HIC2: variants seen among roughly 807,000 people sequenced by gnomAD.
The protein encoded by HIC2 is hypermethylated in cancer 2 protein.
A neutral mutation model predicts 39.5 loss-of-function variants in HIC2; 2 were observed. That is an observed-to-expected ratio of 0.05 (90% CI 0.02 to 0.16). The LOEUF (loss-of-function observed/expected upper bound fraction) is 0.16, where lower values mean the gene tolerates loss of function less well. Ranked by LOEUF, HIC2 falls within the 10% of genes least tolerant of loss-of-function variation. The probability of loss-of-function intolerance (pLI) is 1.00; values close to 1 mark genes in which losing one functional copy is unlikely to be tolerated. For missense variants in HIC2, 713 were observed against 863.5 expected, an observed-to-expected ratio of 0.83 and a Z score of 2.18; for synonymous variants, 399 against 368.8, an observed-to-expected ratio of 1.08 and a Z score of -0.94.
Position 21,449,985 on chromosome 22 carries a change from G to A in HIC2, c.*3242G>A, listed in dbSNP as rs1924077020. The stretch of plus-strand genomic sequence containing the variant: ...TTTGCGCAGCTCTGTCGACTCTGGT[G>A]GGTCCCCACTCCTGGGGCCCCCTAA... On this transcript the variant is annotated 3_prime_UTR_variant, in exon 3 of 3. Coordinates refer to ENST00000407464, the MANE Select transcript of HIC2 (RefSeq NM_015094.3). 2 of 152,688 alleles carry A rather than the reference G, an allele frequency of 1.3e-5. No individual in the cohort carries two copies. The highest frequency in any genetic ancestry group is 2.4e-5 in the African/African-American group (1 of 41,458). The allele number at this position is 152,688 out of a possible 1,614,324, so 9.5% of individuals were successfully genotyped here.
Position 21,446,341 on chromosome 22 carries a change from G to C in HIC2, c.1446G>C (p.Gly482=). The C allele has an allele frequency of 6.2e-7, 1 of 1,613,140 alleles. No homozygotes were observed. The highest frequency in any genetic ancestry group is 8.5e-7 in the Non-Finnish European group (1 of 1,179,996). The change falls in exon 3 of 3, where the codon GGG becomes GGC. Residue 482 remains glycine (G), a synonymous_variant. Coordinates refer to ENST00000407464, the MANE Select transcript of HIC2 (RefSeq NM_015094.3). ...AGGGGGCCTACGAGACAGGCAGTGG[G>C]GGTGCCGAGGAGGAGGCCGAGGACC... The part of the protein sequence containing the change: ...KEEGAYETGS[G]GAEEEAEDLS...
At chr22:21,443,393 A>T (rs1451575920) in intron 2 of HIC2, among the ~76,000 whole-genome samples, 2 of 152,148 alleles carry the variant, frequency 1.3e-5, no homozygotes, top group African/African-American at 4.8e-5. Flanking sequence ...TTGTCTTTGC[A>T]AACAAGGGTA....
chr22:21,446,044 C>A lies in HIC2; in HGVS notation c.1149C>A (p.Gly383=), dbSNP rs780610048. 1.3e-6 allele frequency: 2 copies of A among 1,599,128 alleles called. No individual in the cohort carries two copies. The highest frequency in any genetic ancestry group is 2.2e-5 in the South Asian group (2 of 90,082). The change falls in exon 3 of 3, where the codon GGC becomes GGA. Residue 383 remains glycine (G), a synonymous_variant. Coordinates refer to ENST00000407464, the MANE Select transcript of HIC2 (RefSeq NM_015094.3). ...VPNGILASGA[G]PSGPYGEPPY... is the part of the protein sequence containing the mutation. ...ATGGCATCCTGGCTAGTGGGGCTGG[C>A]CCTAGCGGGCCCTATGGGGAGCCCC...
intron 2 of HIC2, 82 bp downstream of exon 2, chr22:21,442,939 CTA>C (rs1489738795): frequency 1.3e-6 from 1 of 791,382 alleles, no homozygotes; most frequent in African/African-American, 1.8e-5. Context: ...AGCTCGGCCT[CTA>C]TCTGTCTGAC....
In HIC2 at chr22:21,446,988, C is replaced by G. The variant is rs546920488; in HGVS notation, c.*245C>G. ...CATCCCACCCAGGCCCCCAGCTCCC[C>G]GCGGGGGCCACCGCAGGGCCTGTGG... is the stretch of plus-strand genomic sequence containing the variant. On this transcript the variant is annotated 3_prime_UTR_variant, in exon 3 of 3. Transcript: ENST00000407464. 7 of 561,446 alleles carry G rather than the reference C, an allele frequency of 1.2e-5. No homozygotes were observed. The highest frequency in any genetic ancestry group is 4.8e-4 in the Middle Eastern group (1 of 2,094). 34.8% of individuals were successfully genotyped at this position (561,446 alleles called of 1,614,324 possible).
rs1038076702 is a variant in HIC2, at chr22:21,447,673, C to T, written c.*930C>T. On this transcript the variant is annotated 3_prime_UTR_variant, in exon 3 of 3. Coordinates refer to ENST00000407464, the MANE Select transcript of HIC2 (RefSeq NM_015094.3). Reference sequence around the variant, plus strand: ...TTTATTAAGAGAAAAACCAGTGTAACGTTTATGTGACTGTTTGAACTGGAA... The same window carrying T: ...TTTATTAAGAGAAAAACCAGTGTAATGTTTATGTGACTGTTTGAACTGGAA... 1 of 118,328 alleles carries T rather than the reference C, an allele frequency of 8.5e-6. No homozygotes were observed. Among genetic ancestry groups the T allele is most frequent in the Non-Finnish European group, 1.6e-5 (1 of 62,680 alleles). The allele number at this position is 118,328 out of a possible 1,614,324, so 7.3% of individuals were successfully genotyped here.
Position 21,451,175 on chromosome 22 carries a change from G to C in HIC2, c.*4432G>C, listed in dbSNP as rs1220880065. 1 of 152,694 alleles carries C rather than the reference G, an allele frequency of 6.5e-6. No individual in the cohort carries two copies. Among genetic ancestry groups the C allele is most frequent in the East Asian group, 1.9e-4 (1 of 5,306 alleles). The allele number at this position is 152,694 out of a possible 1,614,324, so 9.5% of individuals were successfully genotyped here. On this transcript the variant is annotated 3_prime_UTR_variant, in exon 3 of 3. Transcript: ENST00000407464. ...GGGTTATAGCTGTTTTGTTTAATTG[G>C]AACTGGAAGAGGGATCATGTTTTGT...
In HIC2 at chr22:21,446,942, G is replaced by T; in HGVS notation, c.*199G>T. 1 of 743,180 alleles carries T rather than the reference G, an allele frequency of 1.3e-6. No homozygotes were observed. Among genetic ancestry groups the T allele is most frequent in the African/African-American group, 1.8e-5 (1 of 56,408 alleles). 46.0% of individuals were successfully genotyped at this position (743,180 alleles called of 1,614,324 possible). A position where few individuals can be genotyped will look rare whatever the true frequency, so the allele number is the denominator to read the frequency against. On this transcript the variant is annotated 3_prime_UTR_variant, in exon 3 of 3. Transcript: ENST00000407464. ...AGAGCCGAGAGGAGGGAAGCCAGGG[G>T]TCCCAGCCCGTCTACCTCCCCATCC...
chr22:21,446,170 C>T lies in HIC2; in HGVS notation c.1275C>T (p.Tyr425=). 1 of 1,610,290 alleles carries T rather than the reference C, an allele frequency of 6.2e-7. No individual in the cohort carries two copies. The highest frequency in any genetic ancestry group is 8.5e-7 in the Non-Finnish European group (1 of 1,179,974). The change falls in exon 3 of 3, where the codon TAC becomes TAT. Residue 425 remains tyrosine, a synonymous_variant. Coordinates refer to ENST00000407464, the MANE Select transcript of HIC2 (RefSeq NM_015094.3). The stretch of plus-strand genomic sequence containing the variant: ...GCAGCGGCCATGCCAGCGCCCACTA[C>T]ATGTACCGGCAGGAGGGCTACGAGA... ...EGGSGHASAH[Y]MYRQEGYETV...
Position 21,444,258 on chromosome 22 carries a change from C to T in HIC2, c.27-664C>T, listed in dbSNP as rs113228731. ...CGGAGGGTTCAGGTGGTGCCAGGTG[C>T]TTGGCCTAAGCTACCTTTCCTCCTT... On this transcript the variant is annotated intron_variant, in intron 2 of 2. Transcript: ENST00000407464. Among the ~76,000 whole-genome samples the T allele has an allele frequency of 1.4e-3, 215 of 152,338 alleles. 1 individual carries two copies. Among genetic ancestry groups the T allele is most frequent in the African/African-American group, 4.8e-3 (199 of 41,578 alleles).
chr22:21,446,998 A>G lies in HIC2; in HGVS notation c.*255A>G, dbSNP rs1388832431. On this transcript the variant is annotated 3_prime_UTR_variant, in exon 3 of 3. Transcript: ENST00000407464. Reference sequence around the variant, plus strand: ...AGGCCCCCAGCTCCCCGCGGGGGCCACCGCAGGGCCTGTGGGCTGGGTCAC... The same window carrying G: ...AGGCCCCCAGCTCCCCGCGGGGGCCGCCGCAGGGCCTGTGGGCTGGGTCAC... The G allele has an allele frequency of 1.1e-5, 6 of 534,612 alleles. No individual in the cohort carries two copies. The highest frequency in any genetic ancestry group is 1.6e-5 in the Non-Finnish European group (5 of 306,926). The allele number at this position is 534,612 out of a possible 1,614,324, so 33.1% of individuals were successfully genotyped here.
At position 21,449,591 on chromosome 22, in the gene HIC2, A is replaced by G. The variant is rs1473268434; in HGVS notation, c.*2848A>G. The G allele has an allele frequency of 6.5e-6, 1 of 152,822 alleles. No homozygotes were observed. 9.5% of individuals were successfully genotyped at this position (152,822 alleles called of 1,614,324 possible). A position where few individuals can be genotyped will look rare whatever the true frequency, so the allele number is the denominator to read the frequency against. The stretch of plus-strand genomic sequence containing the variant: ...TTCAGACCTCAGCAGCTGTAAGGCC[A>G]GTCCAGGGAACCCTCCCCTGCTGCT... On this transcript the variant is annotated 3_prime_UTR_variant, in exon 3 of 3. Coordinates refer to ENST00000407464, the MANE Select transcript of HIC2 (RefSeq NM_015094.3).
At chr22:21,443,678 C>T (rs1055756057) in intron 2 of HIC2, among the ~76,000 whole-genome samples, 1 of 152,128 alleles carries the variant, frequency 6.6e-6, no homozygotes, top group Non-Finnish European at 1.5e-5. Flanking sequence ...TGAGCCTATC[C>T]GGGGCACAGG....
chr22:21,444,159 GT>G (rs1923675772), intron 2 of HIC2, among the ~76,000 whole-genome samples: 1 of 152,260 alleles, frequency 6.6e-6, no homozygotes, highest in African/African-American at 2.4e-5. Context: ...GTTAGTGCCT[GT>G]GCCATTCTGT....
In HIC2 at chr22:21,445,842, T is replaced by G. The variant is rs765524041; in HGVS notation, c.947T>G (p.Leu316Arg). Residue 316 changes from leucine to arginine, a missense_variant, in exon 3 of 3, where the codon CTG becomes CGG. This residue lies in a region of HIC2 where 457 missense variants were observed against 420.2 expected (regional missense o/e 1.09). Transcript: ENST00000407464. ...CTGGAGGGGGCCGAGGACAACCACC[T>G]GAGCCTGCTGGAGGCGCCTGGTGGG... The part of the protein sequence containing the change: ...MDLEGAEDNH[L>R]SLLEAPGGQP... 1 of 1,589,298 alleles carries G rather than the reference T, an allele frequency of 6.3e-7. No homozygotes were observed. Among genetic ancestry groups the G allele is most frequent in the South Asian group, 1.1e-5 (1 of 88,362 alleles).
chr22:21,441,389 CT>C (rs1241362890), intron 1 of HIC2, among the ~76,000 whole-genome samples: 2 of 152,198 alleles, frequency 1.3e-5, no homozygotes, highest in Non-Finnish European at 2.9e-5. Context: ...GCAGTGGGCA[CT>C]GACGGAGGGT....
intron 2 of HIC2, among the ~76,000 whole-genome samples, chr22:21,443,813 A>G (rs897278430): frequency 6.6e-6 from 1 of 152,132 alleles, no homozygotes; most frequent in African/African-American, 2.4e-5. Flanking sequence ...AGTTGGGCTT[A>G]GGGCTGAGGA....
Position 21,446,132 on chromosome 22 carries a change from G to A in HIC2, c.1237G>A (p.Gly413Arg), listed in dbSNP as rs1010826578. The A allele has an allele frequency of 3.7e-6, 6 of 1,608,184 alleles. No homozygotes were observed. In the African/African-American group the frequency reaches 4.0e-5, roughly 11 times the overall value. Reference sequence around the variant, plus strand: ...TGCAAGTGAAGACAGTGCGCAGAGCGGGAGCGAGGGGGGCAGCGGCCATGC... The same window carrying A: ...TGCAAGTGAAGACAGTGCGCAGAGCAGGAGCGAGGGGGGCAGCGGCCATGC... ...KDASEDSAQS[G>R]SEGGSGHASA... Residue 413 changes from glycine (G) to arginine (R), a missense_variant, in exon 3 of 3, where the codon GGG (glycine) becomes AGG (arginine). Transcript: ENST00000407464.
intron 2 of HIC2, among the ~76,000 whole-genome samples, chr22:21,443,117 G>T (rs1923608803): frequency 6.6e-6 from 1 of 152,204 alleles, no homozygotes; most frequent in African/African-American, 2.4e-5. Flanking sequence ...AAGTGTGGAA[G>T]CCACACCTTG....
Sources: allele counts gnomAD v4.1 joint callset (sites outside exome capture counted in the v4.1 genomes callset), GRCh38; gene constraint gnomAD v4.1.1; regional missense constraint gnomAD v4.1.1; transcripts MANE v1.5; gene names NCBI Gene and HGNC (gene_info 2026-07-23, HGNC 2026-07-21).